Variants in ADAMTSL1 observed in about 807,000 individuals in gnomAD.
ADAMTSL1 encodes ADAMTS like 1, also known as ADAMTS-like protein 1.
ADAMTSL1 carries 126 observed loss-of-function variants against 201.8 expected under a neutral mutation model. That is an observed-to-expected ratio of 0.62 (90% confidence interval 0.54 to 0.72). ADAMTSL1 has a LOEUF of 0.72. ADAMTSL1 is among the 30% of genes least tolerant of loss of function. ADAMTSL1 has a pLI of 0.00. For synonymous variants in ADAMTSL1, 1,121 were observed against 903.4 expected (o/e 1.24, Z -4.32); for missense variants, 2,679 against 2,277.8 (o/e 1.18, Z -3.59).
At chr9:18,835,087 A>G (rs943874544) in intron 23 of ADAMTSL1, among the ~76,000 whole-genome samples, 1 of 152,150 alleles carries the variant, frequency 6.6e-6, no homozygotes, top group Admixed American at 6.6e-5. Flanking sequence ...TCCCGCCAGC[A>G]GTGTAAGAAA....
intron 2 of ADAMTSL1, among the ~76,000 whole-genome samples, chr9:18,343,798 G>A (rs1327240333): frequency 1.3e-5 from 2 of 152,098 alleles, no homozygotes; most frequent in African/African-American, 4.8e-5. Flanking sequence ...CTGGGCATTT[G>A]TGCTTAAAGA....
intron 2 of ADAMTSL1, among the ~76,000 whole-genome samples, chr9:18,226,743 T>C (rs1830444742): frequency 6.6e-6 from 1 of 152,154 alleles, no homozygotes; most frequent in Non-Finnish European, 1.5e-5. Flanking sequence ...GTCCACTAGA[T>C]TTGAAAGGAC....
intron 2 of ADAMTSL1, among the ~76,000 whole-genome samples, chr9:18,304,593 C>T (rs1753470245): frequency 6.6e-6 from 1 of 151,658 alleles, no homozygotes; most frequent in Non-Finnish European, 1.5e-5. Flanking sequence ...TAAACTACAT[C>T]CAAACACATT....
intron 7 of ADAMTSL1, among the ~76,000 whole-genome samples, chr9:18,645,639 A>G (rs1238045611): frequency 6.6e-6 from 1 of 151,688 alleles, no homozygotes; most frequent in Non-Finnish European, 1.5e-5. Flanking sequence ...CATTTATTAA[A>G]TAGGGAATCC....
At chr9:18,478,643 C>T (rs987692412) in intron 1 of ADAMTSL1, among the ~76,000 whole-genome samples, 1 of 152,162 alleles carries the variant, frequency 6.6e-6, no homozygotes, top group East Asian at 1.9e-4. Flanking sequence ...ATTGTGCCCT[C>T]CTCTCAGTAA....
intron 21 of ADAMTSL1, among the ~76,000 whole-genome samples, chr9:18,818,227 C>T (rs1256649718): frequency 6.6e-6 from 1 of 152,076 alleles, no homozygotes; most frequent in East Asian, 1.9e-4. Flanking sequence ...TTGCTGTCCT[C>T]ATCAGATATA....
chr9:18,306,495 C>T (rs1191645054), intron 2 of ADAMTSL1, among the ~76,000 whole-genome samples: 2 of 151,996 alleles, frequency 1.3e-5, no homozygotes, highest in Non-Finnish European at 2.9e-5. Context: ...TAGAGAAGAA[C>T]AGAAATGAAT....
At chr9:18,865,915 G>A (rs1208212256) in intron 23 of ADAMTSL1, among the ~76,000 whole-genome samples, 11 of 151,938 alleles carry the variant, frequency 7.2e-5, no homozygotes, top group Admixed American at 5.9e-4. Flanking sequence ...GAAATGCTCC[G>A]CATATACGTA....
intron 1 of ADAMTSL1, among the ~76,000 whole-genome samples, chr9:18,050,603 G>A (rs1216264608): frequency 6.6e-6 from 1 of 152,150 alleles, no homozygotes; most frequent in Non-Finnish European, 1.5e-5. Flanking sequence ...TCAGAGTGTT[G>A]TGAAAGAAAT....
At chr9:18,253,994 T>C (rs545768876) in intron 2 of ADAMTSL1, among the ~76,000 whole-genome samples, 1 of 152,328 alleles carries the variant, frequency 6.6e-6, no homozygotes. Context: ...CTGACCCATC[T>C]GTGTGCAACC....
intron 2 of ADAMTSL1, among the ~76,000 whole-genome samples, chr9:18,517,812 T>A (rs1384359584): frequency 6.6e-6 from 1 of 152,208 alleles, no homozygotes; most frequent in African/African-American, 2.4e-5. Context: ...TGTTGGACAT[T>A]TGGGTTGGTT....
chr9:18,376,910 T>C (rs1837321359), intron 2 of ADAMTSL1, among the ~76,000 whole-genome samples: 1 of 150,146 alleles, frequency 6.7e-6, no homozygotes, highest in Non-Finnish European at 1.5e-5. Flanking sequence ...TTACAAATAG[T>C]TATTTAAAAT....
chr9:18,810,798 T>A (rs1374348351), intron 20 of ADAMTSL1, among the ~76,000 whole-genome samples: 1 of 152,080 alleles, frequency 6.6e-6, no homozygotes, highest in Non-Finnish European at 1.5e-5. Flanking sequence ...GATGGCATAG[T>A]TACACTTTTC....
At chr9:17,922,043 G>C (rs1022539612) in intron 1 of ADAMTSL1, among the ~76,000 whole-genome samples, 2 of 149,058 alleles carry the variant, frequency 1.3e-5, no homozygotes, top group African/African-American at 4.9e-5. Flanking sequence ...AATATCATGT[G>C]TGGTATTAAA....
chr9:18,090,466 A>T (rs1412014686), intron 1 of ADAMTSL1, among the ~76,000 whole-genome samples: 1 of 152,238 alleles, frequency 6.6e-6, no homozygotes, highest in Non-Finnish European at 1.5e-5. Context: ...CCTTGAAGAC[A>T]TTATGCTAAG....
chr9:18,897,328 T>A (rs1311394730), intron 26 of ADAMTSL1, among the ~76,000 whole-genome samples: 1 of 151,604 alleles, frequency 6.6e-6, no homozygotes, highest in African/African-American at 2.4e-5. Flanking sequence ...CAAGGAAGGG[T>A]TCCCCACAAC....
rs150433916 is a variant in ADAMTSL1 at position 17,911,314 on chromosome 9, C to A, written c.87+4392C>A. ...CAGCATGATCCTATTACCTTAATTG[C>A]TCCCAGATAAGGAAATGCTTAATCA... On this transcript the variant is annotated intron_variant, in intron 1 of 29. Coordinates refer to the ADAMTSL1 transcript ENST00000680146. Among the ~76,000 whole-genome samples, 303 of 68,678 alleles carry A rather than the reference C, an allele frequency of 4.4e-3. 75 individuals are homozygous for A. The highest frequency in any genetic ancestry group is 8.4e-3 in the African/African-American group (288 of 34,090). 45.1% of individuals were successfully genotyped at this position (68,678 alleles called of 152,430 possible). A position where few individuals can be genotyped will look rare whatever the true frequency, so the allele number is the denominator to read the frequency against.
intron 1 of ADAMTSL1, among the ~76,000 whole-genome samples, chr9:18,046,183 A>G (rs1821649859): frequency 6.6e-6 from 1 of 152,214 alleles, no homozygotes; most frequent in Non-Finnish European, 1.5e-5. Flanking sequence ...AGTAAAAAGT[A>G]CTAGTTAAGA....
chr9:17,935,947 T>C (rs1248419008), intron 1 of ADAMTSL1, among the ~76,000 whole-genome samples: 1 of 152,198 alleles, frequency 6.6e-6, no homozygotes, highest in East Asian at 1.9e-4. Context: ...CTGATTTATC[T>C]AGCCATCTCT....
Sources: gnomAD v4.1 joint callset for allele counts (sites outside exome capture counted in the v4.1 genomes callset) on GRCh38, gnomAD v4.1.1 for gene constraint, MANE v1.5 for transcripts, NCBI Gene and HGNC (gene_info 2026-07-23, HGNC 2026-07-21) for gene names.